The following DNAJC13 variants were observed in gnomAD, a reference collection of about 807,000 sequenced individuals.
The protein encoded by DNAJC13 is DnaJ heat shock protein family (Hsp40) member C13, also known as dnaJ homolog subfamily C member 13.
DNAJC13 carries 75 observed loss-of-function variants against 290.5 expected under a neutral mutation model. The observed-to-expected ratio is 0.26, with a 90% CI of 0.21 to 0.31. The LOEUF (loss-of-function observed/expected upper bound fraction) is 0.31, where lower values mean the gene tolerates loss of function less well. DNAJC13 is among the 10% of genes least tolerant of loss of function. DNAJC13 has a pLI of 1.00. For synonymous variants in DNAJC13, 862 were observed against 892.0 expected, an observed-to-expected ratio of 0.97 and a Z score of 0.60; for missense variants, 2,260 against 2,674.5, an observed-to-expected ratio of 0.85 and a Z score of 3.42.
intron 46 of DNAJC13, among the ~76,000 whole-genome samples, chr3:132,515,697 G>A (rs11707898): frequency 0.021 from 3,163 of 152,058 alleles, 32 homozygotes; most frequent in African/African-American, 0.027. Context: ...AGTCTTACAG[G>A]GAAAATAGCT....
At chr3:132,505,889 G>A (rs1384649978) in intron 42 of DNAJC13, among the ~76,000 whole-genome samples, 2 of 151,958 alleles carry the variant, frequency 1.3e-5, no homozygotes, top group African/African-American at 4.8e-5. Context: ...ATAATTATGT[G>A]TGTGGCTTTG....
intron 20 of DNAJC13, among the ~76,000 whole-genome samples, chr3:132,471,156 C>G (rs9758677): frequency 0.038 from 3,567 of 93,842 alleles, 132 homozygotes; most frequent in African/African-American, 0.11. Context: ...GTGGCTGGCC[C>G]GGCTGAGGGG....
chr3:132,464,233 C>A (rs992431737), intron 17 of DNAJC13, among the ~76,000 whole-genome samples: 1 of 152,200 alleles, frequency 6.6e-6, no homozygotes, highest in Non-Finnish European at 1.5e-5. Flanking sequence ...ACTTTAAAAA[C>A]CACAGAAAAC....
intron 36 of DNAJC13, among the ~76,000 whole-genome samples, chr3:132,497,770 G>A (rs1374607085): frequency 6.6e-6 from 1 of 152,000 alleles, no homozygotes; most frequent in Non-Finnish European, 1.5e-5. Context: ...TCCCAAGAGG[G>A]GTTTATACCC....
intron 36 of DNAJC13, among the ~76,000 whole-genome samples, chr3:132,497,351 A>G (rs1935265613): frequency 1.3e-5 from 2 of 152,234 alleles, no homozygotes; most frequent in African/African-American, 4.8e-5. Flanking sequence ...GCAGATGCCC[A>G]ATGGCTTGGG....
intron 17 of DNAJC13, among the ~76,000 whole-genome samples, chr3:132,464,816 C>T (rs1438225600): frequency 6.6e-6 from 1 of 152,090 alleles, no homozygotes; most frequent in African/African-American, 2.4e-5. Context: ...TTGTGTTTCT[C>T]TTCAGTATAG....
At chr3:132,514,778 T>A (rs1349636044) in intron 46 of DNAJC13, 108 bp downstream of exon 46, 2 of 771,724 alleles carry the variant, frequency 2.6e-6, no homozygotes, top group Non-Finnish European at 4.3e-6. Context: ...ATGTTTAGTT[T>A]TAAAGTGTTA....
intron 9 of DNAJC13, among the ~76,000 whole-genome samples, chr3:132,455,241 T>G (rs1933561406): frequency 6.6e-6 from 1 of 152,086 alleles, no homozygotes; most frequent in African/African-American, 2.4e-5. Flanking sequence ...TGGAAAAATA[T>G]GAATGTTAAT....
chr3:132,469,245 A>C (rs1012252597), intron 20 of DNAJC13, among the ~76,000 whole-genome samples: 14 of 152,184 alleles, frequency 9.2e-5, no homozygotes, highest in Admixed American at 8.5e-4. Flanking sequence ...ACTAACATCA[A>C]AGTTTGGAAT....
At chr3:132,437,014 G>A (rs146090162) in intron 2 of DNAJC13, among the ~76,000 whole-genome samples, 1 of 151,750 alleles carries the variant, frequency 6.6e-6, no homozygotes, top group Non-Finnish European at 1.5e-5. Context: ...GAGTAGCTGG[G>A]ATTACAGGCA....
At chr3:132,528,456 TC>T in intron 54 of DNAJC13, 124 bp downstream of exon 54, 1 of 1,210,788 alleles carries the variant, frequency 8.3e-7, no homozygotes, top group Non-Finnish European at 1.1e-6. Context: ...CTGGAGAAGA[TC>T]CAGAGCCCAA....
At chr3:132,455,334 C>T (rs902518020) in intron 9 of DNAJC13, among the ~76,000 whole-genome samples, 10 of 152,106 alleles carry the variant, frequency 6.6e-5, no homozygotes, top group Middle Eastern at 3.2e-3. Flanking sequence ...AAAAAGACTG[C>T]CAGTGGCAGG....
chr3:132,441,192 A>G (rs1474068754), intron 2 of DNAJC13, among the ~76,000 whole-genome samples: 1 of 152,232 alleles, frequency 6.6e-6, no homozygotes, highest in Non-Finnish European at 1.5e-5. Flanking sequence ...TCTGACTGGC[A>G]GAAGAATTAG....
intron 22 of DNAJC13, among the ~76,000 whole-genome samples, chr3:132,475,944 A>T (rs553350645): frequency 6.6e-6 from 1 of 151,444 alleles, no homozygotes; most frequent in African/African-American, 2.4e-5. Flanking sequence ...TTTATTTTTT[A>T]TTTTTCTGAG....
intron 1 of DNAJC13, among the ~76,000 whole-genome samples, chr3:132,422,144 C>G (rs1306520527): frequency 2.0e-5 from 3 of 152,130 alleles, no homozygotes; most frequent in African/African-American, 7.2e-5. Flanking sequence ...GATCCTCCCA[C>G]CTTAGCCTCC....
chr3:132,495,328 A>G (rs112942298), intron 35 of DNAJC13, among the ~76,000 whole-genome samples, 162 bp downstream of exon 35: 4 of 152,258 alleles, frequency 2.6e-5, no homozygotes, highest in African/African-American at 9.6e-5. Context: ...TTCTGCATGG[A>G]TGATGCTCCC....
chr3:132,522,806 AT>A, intron 48 of DNAJC13, 21 bp from the exon 49 acceptor site: 1 of 1,572,776 alleles, frequency 6.4e-7, no homozygotes, highest in Non-Finnish European at 8.6e-7. Context: ...TGTCTTTTTC[AT>A]TCTCAAACTT....
intron 24 of DNAJC13, among the ~76,000 whole-genome samples, chr3:132,478,541 AC>A (rs1235556422): frequency 6.6e-6 from 1 of 152,226 alleles, no homozygotes; most frequent in Non-Finnish European, 1.5e-5. Context: ...ACCTTTTAAA[AC>A]TACAATGCTA....
At chr3:132,521,240 G>C (rs1216401760) in intron 48 of DNAJC13, among the ~76,000 whole-genome samples, 1 of 149,772 alleles carries the variant, frequency 6.7e-6, no homozygotes, top group Non-Finnish European at 1.5e-5. Flanking sequence ...CTCTTAAAAA[G>C]AAAAACAAAA....
Sources: allele counts gnomAD v4.1 joint callset (sites outside exome capture counted in the v4.1 genomes callset), GRCh38; gene constraint gnomAD v4.1.1; transcripts MANE v1.5; gene names NCBI Gene and HGNC (gene_info 2026-07-23, HGNC 2026-07-21).